ADAMTSL3: variants seen among roughly 807,000 people sequenced by gnomAD.
ADAMTSL3 encodes the protein ADAMTS like 3.
A neutral mutation model predicts 201.7 loss-of-function variants in ADAMTSL3; 128 were observed. The observed-to-expected ratio is 0.63, with a 90% CI of 0.55 to 0.73. The LOEUF (loss-of-function observed/expected upper bound fraction) is 0.73, where lower values mean the gene tolerates loss of function less well. Among genes scored for constraint, ADAMTSL3 ranks in the 30% least tolerant of loss-of-function variants. The probability of loss-of-function intolerance (pLI) is 0.00; values close to 1 mark genes in which losing one functional copy is unlikely to be tolerated. For missense variants in ADAMTSL3, 1,990 were observed against 2,119.6 expected, an observed-to-expected ratio of 0.94 and a Z score of 1.20; for synonymous variants, 738 against 748.4, an observed-to-expected ratio of 0.99 and a Z score of 0.23.
chr15:83,998,041 C>CA (rs1047868832), intron 23 of ADAMTSL3, among the ~76,000 whole-genome samples: 1 of 149,946 alleles, frequency 6.7e-6, no homozygotes, highest in South Asian at 2.1e-4. Flanking sequence ...AAAAAAAAAA[C>CA]AAAAAAACTC....
At chr15:83,823,185 G>GGGGAGA (rs2063923725) in intron 6 of ADAMTSL3, among the ~76,000 whole-genome samples, 3 of 141,288 alleles carry the variant, frequency 2.1e-5, no homozygotes, top group African/African-American at 5.5e-5. Context: ...GGGAGACCGT[G>GGGGAGA]GGGAGAGGGA....
At chr15:83,839,678 A>G (rs1185346663) in intron 7 of ADAMTSL3, among the ~76,000 whole-genome samples, 1 of 152,148 alleles carries the variant, frequency 6.6e-6, no homozygotes, top group Non-Finnish European at 1.5e-5. Context: ...AGAGGAAGGA[A>G]CAGGTGGAGA....
intron 9 of ADAMTSL3, among the ~76,000 whole-genome samples, chr15:83,877,035 C>G (rs1157611482): frequency 1.3e-5 from 2 of 152,146 alleles, no homozygotes; most frequent in Non-Finnish European, 2.9e-5. Flanking sequence ...CTCAAGTGAT[C>G]CACCCACATC....
intron 8 of ADAMTSL3, among the ~76,000 whole-genome samples, chr15:83,867,612 T>G (rs1297991143): frequency 6.6e-6 from 1 of 152,140 alleles, no homozygotes; most frequent in African/African-American, 2.4e-5. Context: ...TGATGACCAG[T>G]CAAAGGAAAT....
chr15:84,015,712 G>T (rs2068077315), intron 24 of ADAMTSL3, among the ~76,000 whole-genome samples: 1 of 152,228 alleles, frequency 6.6e-6, no homozygotes, highest in African/African-American at 2.4e-5. Flanking sequence ...TCGAATGGAA[G>T]AGTTGCAACA....
chr15:83,711,178 G>A (rs1359113263), intron 3 of ADAMTSL3, among the ~76,000 whole-genome samples: 2 of 152,250 alleles, frequency 1.3e-5, no homozygotes, highest in East Asian at 3.9e-4. Flanking sequence ...TCTATTTGCT[G>A]TGAGTACATC....
intron 7 of ADAMTSL3, among the ~76,000 whole-genome samples, chr15:83,845,447 A>C (rs1048365349): frequency 6.6e-6 from 1 of 152,204 alleles, no homozygotes; most frequent in Non-Finnish European, 1.5e-5. Flanking sequence ...ATATTGTGCA[A>C]TAGAACTGGA....
chr15:83,729,819 G>A (rs1157134180), intron 3 of ADAMTSL3, among the ~76,000 whole-genome samples: 1 of 151,992 alleles, frequency 6.6e-6, no homozygotes, highest in East Asian at 1.9e-4. Context: ...GCTTGTGGAT[G>A]TTTGTCAGTA....
chr15:84,001,461 C>G (rs1259093983), intron 23 of ADAMTSL3, among the ~76,000 whole-genome samples: 1 of 152,172 alleles, frequency 6.6e-6, no homozygotes, highest in African/African-American at 2.4e-5. Context: ...AGGAAGCAAA[C>G]TCAGATACAC....
rs1295759545 is a variant in ADAMTSL3, at chr15:84,016,470, A to G, written c.4244A>G (p.Asn1415Ser). The G allele has an allele frequency of 3.1e-6, 5 of 1,613,834 alleles. No individual in the cohort carries two copies. Among genetic ancestry groups the G allele is most frequent in the African/African-American group, 2.7e-5 (2 of 74,916 alleles). Residue 1415 changes from asparagine to serine, a missense_variant, in exon 25 of 30, where the codon AAT (asparagine) becomes AGT (serine). By Grantham distance (46) the Asn-to-Ser change is conservative. Transcript: ENST00000286744. ...LQATNTRTNS[N>S]DPTGEPPPQE... Reference sequence around the variant, plus strand: ...GCAACCAACACTAGAACCAACAGCAATGACCCAACAGGAGAACCCCCGCCT... The same window carrying G: ...GCAACCAACACTAGAACCAACAGCAGTGACCCAACAGGAGAACCCCCGCCT...
At chr15:83,837,237 T>C (rs548106216) in intron 6 of ADAMTSL3, among the ~76,000 whole-genome samples, 9 of 151,514 alleles carry the variant, frequency 5.9e-5, no homozygotes, top group African/African-American at 2.2e-4. Context: ...TAGGTACAGC[T>C]AATGATAAAG....
At position 83,983,308 on chromosome 15, in the gene ADAMTSL3, G is replaced by A; in HGVS notation, c.3680G>A (p.Trp1227Ter). The A allele has an allele frequency of 1.3e-6, 2 of 1,559,554 alleles. No individual in the cohort carries two copies. Among genetic ancestry groups the A allele is most frequent in the Non-Finnish European group, 1.7e-6 (2 of 1,154,748 alleles). The change falls in exon 21 of 30, where the codon TGG becomes TAG. Residue 1227 changes from tryptophan (W) to a stop codon, truncating the protein, a stop_gained. Coordinates refer to ENST00000286744, the MANE Select transcript of ADAMTSL3 (RefSeq NM_207517.3). LOFTEE classifies it high-confidence loss of function. ...LITPSEATYT[W>*]TKDGTLLQPS... ...ACCCCCAGTGAGGCCACATATACAT[G>A]GACCAAGGATGGAACCTTGTTACAG...
intron 19 of ADAMTSL3, chr15:83,962,327 A>T (rs2142096992): frequency 6.6e-6 from 1 of 152,274 alleles, no homozygotes; most frequent in East Asian, 1.9e-4. Flanking sequence ...CAGTAGAGGA[A>T]ATGTAAGTGT....
At chr15:83,851,017 G>A (rs1217671492) in intron 7 of ADAMTSL3, among the ~76,000 whole-genome samples, 4 of 152,198 alleles carry the variant, frequency 2.6e-5, no homozygotes, top group Non-Finnish European at 4.4e-5. Context: ...GGCTGCTGCT[G>A]GTCGGGCACA....
chr15:83,804,569 T>C, intron 4 of ADAMTSL3, 81 bp from the exon 5 acceptor site: 1 of 966,978 alleles, frequency 1.0e-6, no homozygotes, highest in Non-Finnish European at 1.5e-6. Flanking sequence ...ATGCCTTGTA[T>C]TTGCTTTTTT....
chr15:83,885,340 C>T lies in ADAMTSL3; in HGVS notation c.1072+128C>T, dbSNP rs1001160730. 6.1e-5 allele frequency: 44 copies of T among 721,320 alleles called. No homozygotes were observed. In the African/African-American group the frequency reaches 6.3e-4, roughly 10 times the overall value. 44.7% of individuals were successfully genotyped at this position (721,320 alleles called of 1,614,324 possible). A position where few individuals can be genotyped will look rare whatever the true frequency, so the allele number is the denominator to read the frequency against. ...ATGTCTCATCACACAGCACCTTACTCAGCAGCCTGAATGCAATCGTGTTAA... is the reference window on the plus strand; with the variant it reads ...ATGTCTCATCACACAGCACCTTACTTAGCAGCCTGAATGCAATCGTGTTAA... On this transcript the variant is annotated intron_variant, in intron 10 of 29. Transcript: ENST00000286744.
chr15:83,988,880 T>A, intron 22 of ADAMTSL3, 62 bp downstream of exon 22: 4 of 1,050,816 alleles, frequency 3.8e-6, no homozygotes, highest in Non-Finnish European at 4.8e-6. Flanking sequence ...TATTTATTTA[T>A]TTATTTATTT....
intron 8 of ADAMTSL3, among the ~76,000 whole-genome samples, chr15:83,865,324 A>G (rs1211222117): frequency 2.0e-5 from 3 of 152,184 alleles, no homozygotes; most frequent in Non-Finnish European, 4.4e-5. Flanking sequence ...AACCCAAAAG[A>G]ACAAAGCTGG....
chr15:83,919,082 A>G (rs956130326), intron 16 of ADAMTSL3, among the ~76,000 whole-genome samples: 3 of 152,124 alleles, frequency 2.0e-5, no homozygotes, highest in Non-Finnish European at 4.4e-5. Context: ...TCATTTGTGA[A>G]CATAATGCTT....
Sources: gnomAD v4.1 joint callset for allele counts (sites outside exome capture counted in the v4.1 genomes callset) on GRCh38, gnomAD v4.1.1 for gene constraint, MANE v1.5 for transcripts, NCBI Gene and HGNC (gene_info 2026-07-23, HGNC 2026-07-21) for gene names.